SULF2: variants seen among roughly 807,000 people sequenced by gnomAD.
SULF2 encodes the protein extracellular sulfatase Sulf-2.
SULF2 carries 52 observed loss-of-function variants against 107.7 expected under a neutral mutation model. That is an observed-to-expected ratio of 0.48 (90% CI 0.39 to 0.61). The LOEUF (loss-of-function observed/expected upper bound fraction) is 0.61. Ranked by LOEUF, SULF2 falls within the 20% of genes least tolerant of loss-of-function variation. The probability of loss-of-function intolerance (pLI) is 0.00; values close to 1 mark genes in which losing one functional copy is unlikely to be tolerated. For missense variants in SULF2, 993 were observed against 1,177.3 expected (o/e 0.84, Z 2.29); for synonymous variants, 460 against 464.3 (o/e 0.99, Z 0.12).
At position 47,690,190 on chromosome 20, in the gene SULF2, G is replaced by A; in HGVS notation, c.673C>T (p.Pro225Ser). 3 of 1,569,900 alleles carry A rather than the reference G, an allele frequency of 1.9e-6. No individual in the cohort carries two copies. Among genetic ancestry groups the A allele is most frequent in the Non-Finnish European group, 2.6e-6 (3 of 1,154,770 alleles). ...GGGGCTGAATCCTCAGGGCCGTGGG[G>A]GGCTGCATGGCTGATGACCATGAGG... ...PVLMVISHAA[P>S]HGPEDSAPQY... is the part of the protein sequence containing the mutation. Residue 225 changes from proline to serine, a missense_variant, in exon 5 of 21, where the codon CCC becomes TCC. This residue lies in a region of SULF2 where 388 missense variants were observed against 449.2 expected (regional missense o/e 0.86). Transcript: ENST00000688720.
intron 20 of SULF2, 87 bp downstream of exon 20, chr20:47,659,312 T>C: frequency 8.2e-7 from 1 of 1,220,886 alleles, no homozygotes; most frequent in Non-Finnish European, 1.2e-6. Flanking sequence ...GGGTGGTATG[T>C]AAGAAATGGC....
intron 3 of SULF2, among the ~76,000 whole-genome samples, chr20:47,714,703 G>C (rs1364440755): frequency 2.0e-5 from 3 of 152,072 alleles, no homozygotes; most frequent in Admixed American, 2.0e-4. Context: ...GCCCTACAAA[G>C]TCCTATAACT....
At chr20:47,731,164 C>T (rs2089590785) in intron 3 of SULF2, among the ~76,000 whole-genome samples, 1 of 145,232 alleles carries the variant, frequency 6.9e-6, no homozygotes, top group Non-Finnish European at 1.5e-5. Context: ...TCCGACTCTG[C>T]CTGCTACTCA....
rs199660759 is a variant in SULF2, at chr20:47,731,185, C to CTTTTTTT, written c.415+5517_415+5518insAAAAAAA. 1.1e-3 allele frequency among the ~76,000 whole-genome samples: 101 copies of CTTTTTTT among 93,302 alleles called. 2 individuals are homozygous for CTTTTTTT. Among genetic ancestry groups the CTTTTTTT allele is most frequent in the African/African-American group, 4.5e-3 (78 of 17,294 alleles). The allele number at this position is 93,302 out of a possible 152,430, so 61.2% of individuals were successfully genotyped here. A position where few individuals can be genotyped will look rare whatever the true frequency, so the allele number is the denominator to read the frequency against. ...TCTGCCTGCTACTCACCTGTATCTT[C>CTTTTTTT]TCTTTTTTTTTTTTTTTTTTTTTTT... On this transcript the variant is annotated intron_variant, in intron 3 of 20. Transcript: ENST00000688720.
At chr20:47,660,677 T>C (rs1135435) in intron 18 of SULF2, among the ~76,000 whole-genome samples, 1 of 152,146 alleles carries the variant, frequency 6.6e-6, no homozygotes, top group Non-Finnish European at 1.5e-5. Context: ...GGTGCTATCA[T>C]AGCTCACTGT....
chr20:47,762,029 C>G (rs571219474), intron 1 of SULF2, among the ~76,000 whole-genome samples: 1 of 152,226 alleles, frequency 6.6e-6, no homozygotes, highest in Admixed American at 6.5e-5. Context: ...ATAAGACGTG[C>G]CTTTCACCTT....
At chr20:47,737,765 T>G (rs1305987616) in intron 2 of SULF2, among the ~76,000 whole-genome samples, 1 of 135,320 alleles carries the variant, frequency 7.4e-6, no homozygotes, top group East Asian at 2.1e-4. Context: ...GTTTTTTTTT[T>G]TTTTTTTTTT....
intron 2 of SULF2, among the ~76,000 whole-genome samples, chr20:47,749,553 G>A (rs1240951493): frequency 6.6e-6 from 1 of 152,234 alleles, no homozygotes; most frequent in Admixed American, 6.5e-5. Flanking sequence ...CTGGAATCTG[G>A]GTATGTTGTC....
intron 4 of SULF2, among the ~76,000 whole-genome samples, chr20:47,697,263 CCTCT>C (rs1170235798): frequency 6.6e-6 from 1 of 152,232 alleles, no homozygotes; most frequent in African/African-American, 2.4e-5. Context: ...ATCACCACTG[CCTCT>C]CTTTCTGCCC....
intron 2 of SULF2, among the ~76,000 whole-genome samples, chr20:47,741,644 G>A (rs921962495): frequency 6.6e-6 from 1 of 152,156 alleles, no homozygotes; most frequent in Non-Finnish European, 1.5e-5. Context: ...TTAAATGCAC[G>A]AGTCCAGGGC....
intron 5 of SULF2, among the ~76,000 whole-genome samples, chr20:47,688,268 T>C (rs943988724): frequency 6.6e-6 from 1 of 152,140 alleles, no homozygotes; most frequent in Non-Finnish European, 1.5e-5. Flanking sequence ...CTGCAGGACT[T>C]TCTCTTTTTT....
chr20:47,702,241 GTACA>G (rs1555837481), intron 4 of SULF2, among the ~76,000 whole-genome samples: 1 of 151,962 alleles, frequency 6.6e-6, no homozygotes, highest in Non-Finnish European at 1.5e-5. Flanking sequence ...TATTTTTTTC[GTACA>G]GACAGGGTCT....
At chr20:47,676,930 G>C in intron 9 of SULF2, 148 bp downstream of exon 9, 1 of 829,028 alleles carries the variant, frequency 1.2e-6, no homozygotes. Context: ...TATAGGAGCA[G>C]TGAATGGGCT....
chr20:47,765,780 A>G (rs952045173), intron 1 of SULF2, among the ~76,000 whole-genome samples: 6 of 152,180 alleles, frequency 3.9e-5, no homozygotes, highest in African/African-American at 1.2e-4. Flanking sequence ...CAGCATGGCT[A>G]TTTGCACACA....
At chr20:47,684,227 C>T in intron 6 of SULF2, 1 of 532,408 alleles carries the variant, frequency 1.9e-6, no homozygotes, top group South Asian at 2.9e-5. Context: ...TTGGGCAACA[C>T]AGATCTAGAA....
chr20:47,676,365 A>G, intron 10 of SULF2, 129 bp downstream of exon 10: 2 of 1,007,568 alleles, frequency 2.0e-6, no homozygotes, highest in Non-Finnish European at 1.4e-6. Flanking sequence ...CTTGGGCACC[A>G]CACGGCAGCA....
At chr20:47,696,124 C>G (rs2088367056) in intron 4 of SULF2, among the ~76,000 whole-genome samples, 1 of 152,186 alleles carries the variant, frequency 6.6e-6, no homozygotes, top group Non-Finnish European at 1.5e-5. Flanking sequence ...TGCTTTATCA[C>G]TTACTAGGCT....
At chr20:47,710,624 G>C (rs1012247274) in intron 3 of SULF2, among the ~76,000 whole-genome samples, 14 of 148,912 alleles carry the variant, frequency 9.4e-5, no homozygotes, top group African/African-American at 3.6e-4. Flanking sequence ...GCTTGGAACT[G>C]GCACATAGCA....
At chr20:47,676,343 A>T in intron 10 of SULF2, 151 bp downstream of exon 10, 1 of 838,110 alleles carries the variant, frequency 1.2e-6, no homozygotes, top group Non-Finnish European at 1.8e-6. Context: ...ATCCTGCACC[A>T]CCAAACAGCA....
Sources: allele counts gnomAD v4.1 joint callset (sites outside exome capture counted in the v4.1 genomes callset), GRCh38; gene constraint gnomAD v4.1.1; regional missense constraint gnomAD v4.1.1; transcripts MANE v1.5; gene names NCBI Gene and HGNC (gene_info 2026-07-23, HGNC 2026-07-21).